The following MROH9 variants were observed in gnomAD, a reference collection of about 807,000 sequenced individuals.
The protein encoded by MROH9 is maestro heat-like repeat-containing protein family member 9.
Under a neutral mutation model 98.2 loss-of-function variants are expected in MROH9, and 92 were observed. That is an observed-to-expected ratio of 0.94 (90% CI 0.79 to 1.11). The LOEUF is 1.11. MROH9 is among the 50% of genes most tolerant of loss of function. The pLI is 0.00. For synonymous variants in MROH9, 397 were observed against 368.9 expected, an observed-to-expected ratio of 1.08 and a Z score of -0.87; for missense variants, 1,057 against 1,014.8, an observed-to-expected ratio of 1.04 and a Z score of -0.57.
intron 20 of MROH9, among the ~76,000 whole-genome samples, chr1:171,055,478 C>T (rs1653805509): frequency 6.6e-6 from 1 of 151,952 alleles, no homozygotes; most frequent in Non-Finnish European, 1.5e-5. Flanking sequence ...AAAAAATTAG[C>T]CAGGCATGGT....
intron 15 of MROH9, among the ~76,000 whole-genome samples, chr1:171,011,467 A>G (rs2101829264): frequency 6.6e-6 from 1 of 152,256 alleles, no homozygotes; most frequent in Middle Eastern, 3.4e-3. Flanking sequence ...TTTTTCATCT[A>G]TTTCAATGAT....
At chr1:170,999,091 T>C (rs550488224) in intron 15 of MROH9, among the ~76,000 whole-genome samples, 251 of 152,300 alleles carry the variant, frequency 1.6e-3, no homozygotes, top group African/African-American at 5.9e-3. Context: ...TTATTTTTAT[T>C]GAATTGACTA....
intron 17 of MROH9, among the ~76,000 whole-genome samples, chr1:171,018,273 G>A (rs1418875249): frequency 6.6e-6 from 1 of 151,758 alleles, no homozygotes; most frequent in Non-Finnish European, 1.5e-5. Context: ...CCTAAAGTGA[G>A]CCCCCAGAAA....
chr1:170,942,674 C>A (rs555609686), intron 1 of MROH9, among the ~76,000 whole-genome samples: 8 of 152,044 alleles, frequency 5.3e-5, no homozygotes, highest in African/African-American at 1.4e-4. Flanking sequence ...ATGTTTGGAC[C>A]CAGAGATACC....
At chr1:171,040,481 A>G (rs1156278798) in intron 20 of MROH9, among the ~76,000 whole-genome samples, 1 of 152,132 alleles carries the variant, frequency 6.6e-6, no homozygotes, top group Non-Finnish European at 1.5e-5. Context: ...TGAGTGTTGT[A>G]TTCATTTCGC....
chr1:171,000,886 G>C (rs529408044), intron 15 of MROH9, among the ~76,000 whole-genome samples: 1 of 151,742 alleles, frequency 6.6e-6, no homozygotes, highest in South Asian at 2.1e-4. Context: ...TTTTTTGTTG[G>C]TAATTTTTTA....
At chr1:171,023,183 G>A (rs187270242) in intron 17 of MROH9, among the ~76,000 whole-genome samples, 52 of 152,218 alleles carry the variant, frequency 3.4e-4, no homozygotes, top group African/African-American at 4.8e-4. Flanking sequence ...TCCTGCCCCT[G>A]CACTCTAGCC....
chr1:170,950,576 T>C (rs937429736), intron 3 of MROH9, among the ~76,000 whole-genome samples: 9 of 152,042 alleles, frequency 5.9e-5, no homozygotes, highest in Admixed American at 5.9e-4. Context: ...GTAACAACTG[T>C]AGATTCTGGG....
intron 14 of MROH9, among the ~76,000 whole-genome samples, chr1:170,997,586 A>G (rs937943460): frequency 2.1e-4 from 32 of 152,146 alleles, no homozygotes; most frequent in African/African-American, 7.2e-4. Context: ...TTAAAATGGA[A>G]ACTTCCTCAT....
At chr1:170,955,552 G>T (rs1466010380) in intron 3 of MROH9, among the ~76,000 whole-genome samples, 1 of 152,078 alleles carries the variant, frequency 6.6e-6, no homozygotes, top group East Asian at 1.9e-4. Flanking sequence ...GTTTTGATTT[G>T]CATTTCCCTA....
chr1:170,957,016 CTT>C (rs36026353), intron 3 of MROH9, among the ~76,000 whole-genome samples: 13 of 139,220 alleles, frequency 9.3e-5, no homozygotes, highest in Admixed American at 1.4e-4. Flanking sequence ...GGATTATCTG[CTT>C]TTTTTTTTTT....
Position 170,998,176 on chromosome 1 carries a change from CCA to C in MROH9, c.1501_1502del (p.Gln501ValfsTer10). On this transcript the variant is annotated frameshift_variant, in exon 15 of 22. Coordinates refer to ENST00000367759, the MANE Select transcript of MROH9 (RefSeq NM_001163629.2). LOFTEE classifies it high-confidence loss of function. ...CAGAACTCTCAGTGAATATAACTTT[CCA>C]CAGTTTCCGGAGACCCTGAGTTATC... Reference protein sequence around the residue: ...IAKTLSEYNFPQFPETLSYLY... With the variant: ...IAKTLSEYNFXQFPETLSYLY... 3.1e-6 allele frequency: 5 copies of C among 1,607,674 alleles called. No homozygotes were observed. The highest frequency in any genetic ancestry group is 4.2e-6 in the Non-Finnish European group (5 of 1,178,016).
Position 170,971,797 on chromosome 1 carries a change from T to C in MROH9, c.530T>C (p.Leu177Pro). The C allele has an allele frequency of 6.2e-7, 1 of 1,614,084 alleles. No homozygotes were observed. The highest frequency in any genetic ancestry group is 8.5e-7 in the Non-Finnish European group (1 of 1,179,942). ...CLGLLAAELS[L>P]LCSHEDPSIV... ...GGTCTCCTGGCAGCAGAGCTGTCTCTTTTGTGTTCCCATGAAGATCCCTCG... is the reference window on the plus strand; with the variant it reads ...GGTCTCCTGGCAGCAGAGCTGTCTCCTTTGTGTTCCCATGAAGATCCCTCG... Residue 177 changes from leucine (L) to proline (P), a missense_variant, in exon 8 of 22, where the codon CTT (leucine) becomes CCT (proline). Transcript: ENST00000367759.
chr1:171,027,694 C>T (rs565163927), intron 20 of MROH9, among the ~76,000 whole-genome samples: 20 of 152,298 alleles, frequency 1.3e-4, no homozygotes, highest in African/African-American at 4.6e-4. Context: ...GTTCCTATTT[C>T]TCCACAGCCT....
intron 20 of MROH9, among the ~76,000 whole-genome samples, chr1:171,031,155 CTTTAT>C (rs1652896445): frequency 6.6e-6 from 1 of 152,092 alleles, no homozygotes; most frequent in South Asian, 2.1e-4. Flanking sequence ...TCCTCCATCC[CTTTAT>C]TTTGAGCCTA....
At chr1:171,023,103 G>A (rs753223158) in intron 17 of MROH9, among the ~76,000 whole-genome samples, 4 of 152,202 alleles carry the variant, frequency 2.6e-5, no homozygotes, top group Non-Finnish European at 5.9e-5. Flanking sequence ...AGGATTGCTT[G>A]AGCCCAAGAA....
chr1:170,945,809 A>G (rs1050461397), intron 2 of MROH9, among the ~76,000 whole-genome samples: 1 of 152,082 alleles, frequency 6.6e-6, no homozygotes, highest in African/African-American at 2.4e-5. Context: ...ATATTCTCTG[A>G]TTACAATGCA....
chr1:170,963,800 T>C (rs1281283152), intron 6 of MROH9, among the ~76,000 whole-genome samples: 1 of 151,922 alleles, frequency 6.6e-6, no homozygotes, highest in African/African-American at 2.4e-5. Context: ...CATGAACACA[T>C]ATTGGGGAAC....
chr1:170,963,448 A>G (rs1271864732), intron 6 of MROH9, among the ~76,000 whole-genome samples: 25 of 152,124 alleles, frequency 1.6e-4, no homozygotes, highest in Non-Finnish European at 4.4e-5. Context: ...AAAAACAGAA[A>G]TACCATTTGA....
Sources: gnomAD v4.1 joint callset for allele counts (sites outside exome capture counted in the v4.1 genomes callset) on GRCh38, gnomAD v4.1.1 for gene constraint, MANE v1.5 for transcripts, NCBI Gene and HGNC (gene_info 2026-07-23, HGNC 2026-07-21) for gene names.